The following INSC variants were observed in gnomAD, a reference collection of about 807,000 sequenced individuals.
INSC encodes the protein protein inscuteable homolog.
A neutral mutation model predicts 58.6 loss-of-function variants in INSC; 67 were observed. The ratio of observed to expected loss-of-function variants is 1.14; its 90% CI spans 0.94 to 1.40. INSC has a LOEUF of 1.40. INSC is among the 40% of genes most tolerant of loss of function. INSC has a pLI of 0.00. For missense variants in INSC, 714 were observed against 692.0 expected, an observed-to-expected ratio of 1.03 and a Z score of -0.36; for synonymous variants, 262 against 276.1, an observed-to-expected ratio of 0.95 and a Z score of 0.51.
chr11:15,262,705 C>G, the INSC span, among the ~76,000 whole-genome samples: 1 of 147,038 alleles, frequency 6.8e-6, no homozygotes, highest in Admixed American at 6.9e-5. Context: ...ATCTCCAGCC[C>G]AAGAATTTTG....
At chr11:15,134,827 C>CTTTCTTTATTTATTTA (rs1848204739) in intron 1 of INSC, among the ~76,000 whole-genome samples, 1 of 150,804 alleles carries the variant, frequency 6.6e-6, no homozygotes, top group African/African-American at 2.5e-5. Context: ...CATCTTCCTC[C>CTTTCTTTATTTATTTA]TTTATTTATT....
At chr11:15,112,990 G>A (rs956992530), upstream of INSC, among the ~76,000 whole-genome samples, 1 of 152,146 alleles carries the variant, frequency 6.6e-6, no homozygotes, top group African/African-American at 2.4e-5. Flanking sequence ...CTAGAAAGTA[G>A]TAGAGGCAGG....
intron 1 of INSC, among the ~76,000 whole-genome samples, chr11:15,135,091 G>C (rs1848211906): frequency 6.6e-6 from 1 of 152,094 alleles, no homozygotes; most frequent in African/African-American, 2.4e-5. Context: ...CTGAGGCATT[G>C]GAATTACTTG....
At chr11:15,198,674 A>G (rs1850462921) in intron 6 of INSC, among the ~76,000 whole-genome samples, 1 of 152,136 alleles carries the variant, frequency 6.6e-6, no homozygotes, top group Admixed American at 6.5e-5. Context: ...ATATCCATAT[A>G]TATGTATATA....
intron 12 of INSC, among the ~76,000 whole-genome samples, chr11:15,244,165 G>C (rs1474502973): frequency 6.6e-6 from 1 of 152,080 alleles, no homozygotes; most frequent in African/African-American, 2.4e-5. Context: ...GAAAATCCCT[G>C]GTTCTGTTTT....
intron 2 of INSC, among the ~76,000 whole-genome samples, chr11:15,158,226 C>T (rs955942370): frequency 2.6e-5 from 4 of 151,836 alleles, no homozygotes; most frequent in African/African-American, 9.7e-5. Context: ...CTTCCCTGCT[C>T]TAAAATGCTT....
the INSC span, among the ~76,000 whole-genome samples, chr11:15,269,440 G>A: frequency 2.0e-5 from 3 of 151,892 alleles, no homozygotes; most frequent in South Asian, 2.1e-4. Flanking sequence ...TTTCAACTTC[G>A]CCATTTTCCA....
chr11:15,217,020 CT>C (rs1851245433), intron 7 of INSC, among the ~76,000 whole-genome samples: 1 of 152,202 alleles, frequency 6.6e-6, no homozygotes, highest in South Asian at 2.1e-4. Context: ...GGTATTATTC[CT>C]GTTTTATAGA....
At chr11:15,235,341 T>G in intron 9 of INSC, 1 of 497,854 alleles carries the variant, frequency 2.0e-6, no homozygotes, top group East Asian at 3.6e-5. Flanking sequence ...GTTATGCTAG[T>G]CTTTCCAGGG....
At chr11:15,259,899 G>C in the INSC span, among the ~76,000 whole-genome samples, 2 of 152,042 alleles carry the variant, frequency 1.3e-5, no homozygotes, top group Non-Finnish European at 2.9e-5. Context: ...TTTTCTTTGC[G>C]TCCCTAAACA....
At chr11:15,240,298 G>C in intron 11 of INSC, 149 bp from the exon 12 acceptor site, 1 of 662,042 alleles carries the variant, frequency 1.5e-6, no homozygotes, top group Admixed American at 2.3e-5. Context: ...TCACCACTGA[G>C]GGAGTAGTAA....
chr11:15,257,214 G>A, the INSC span, among the ~76,000 whole-genome samples: 4 of 152,076 alleles, frequency 2.6e-5, no homozygotes, highest in African/African-American at 7.2e-5. Context: ...CAAGATGCAC[G>A]TATCCATTAT....
chr11:15,153,252 C>T (rs1213863785), intron 2 of INSC, among the ~76,000 whole-genome samples: 2 of 152,156 alleles, frequency 1.3e-5, no homozygotes, highest in Non-Finnish European at 2.9e-5. Flanking sequence ...GTGACTTCTC[C>T]CTGTGAGTGA....
chr11:15,192,255 G>T (rs1850206137), intron 6 of INSC, among the ~76,000 whole-genome samples: 1 of 152,230 alleles, frequency 6.6e-6, no homozygotes, highest in South Asian at 2.1e-4. Context: ...GTCTGTCCCA[G>T]CTGCTTGTCT....
intron 1 of INSC, among the ~76,000 whole-genome samples, chr11:15,134,827 C>CTTTATTTATTTATTTATTTATTTATTTA (rs112337509): frequency 5.3e-5 from 8 of 150,804 alleles, no homozygotes; most frequent in East Asian, 1.9e-4. Context: ...CATCTTCCTC[C>CTTTATTTATTTATTTATTTATTTATTTA]TTTATTTATT....
chr11:15,172,333 G>C (rs1212856920), intron 2 of INSC, among the ~76,000 whole-genome samples: 1 of 152,098 alleles, frequency 6.6e-6, no homozygotes, highest in African/African-American at 2.4e-5. Flanking sequence ...TGTAGCCTGT[G>C]TGATGGAGGC....
intron 6 of INSC, among the ~76,000 whole-genome samples, chr11:15,197,836 T>C (rs867612151): frequency 1.9e-4 from 29 of 152,174 alleles, no homozygotes; most frequent in African/African-American, 7.0e-4. Flanking sequence ...CCACAAGTGA[T>C]CTCTTCCCAC....
intron 2 of INSC, among the ~76,000 whole-genome samples, chr11:15,167,620 C>A (rs970782415): frequency 1.3e-5 from 2 of 151,574 alleles, no homozygotes; most frequent in Non-Finnish European, 2.9e-5. Context: ...CAGGGAAGAG[C>A]CACCATGCTC....
intron 7 of INSC, among the ~76,000 whole-genome samples, chr11:15,205,170 G>T (rs1215472906): frequency 6.6e-6 from 1 of 152,170 alleles, no homozygotes; most frequent in Non-Finnish European, 1.5e-5. Flanking sequence ...GAAGCCAGGG[G>T]TTCCAGGCTC....
Sources: allele counts gnomAD v4.1 joint callset (sites outside exome capture counted in the v4.1 genomes callset), GRCh38; gene constraint gnomAD v4.1.1; transcripts MANE v1.5; gene names NCBI Gene and HGNC (gene_info 2026-07-23, HGNC 2026-07-21).